BRD10: variants seen among roughly 807,000 people sequenced by gnomAD.
The protein encoded by BRD10 is uncharacterized bromodomain-containing protein 10.
chr9:5,899,677 G>C, the BRD10 span, among the ~76,000 whole-genome samples: 4 of 152,200 alleles, frequency 2.6e-5, no homozygotes, highest in African/African-American at 9.6e-5. Flanking sequence ...TGTAACTCTA[G>C]CATGGGGTTA....
chr9:6,006,574 C>A, the BRD10 span, among the ~76,000 whole-genome samples: 1 of 152,154 alleles, frequency 6.6e-6, no homozygotes, highest in African/African-American at 2.4e-5. Flanking sequence ...GTAGAATAAA[C>A]ATAAATGTAT....
chr9:5,937,496 C>A, the BRD10 span, among the ~76,000 whole-genome samples: 7 of 152,256 alleles, frequency 4.6e-5, no homozygotes, highest in East Asian at 1.4e-3. Context: ...GATCATGCCA[C>A]TGCACTCCAG....
At chr9:5,992,452 A>T in the BRD10 span, among the ~76,000 whole-genome samples, 2 of 152,192 alleles carry the variant, frequency 1.3e-5, no homozygotes, top group Admixed American at 6.5e-5. Flanking sequence ...AAAATAAGAT[A>T]AAAAAATAAA....
At chr9:5,969,271 C>T in the BRD10 span, 1 of 1,613,852 alleles carries the variant, frequency 6.2e-7, no homozygotes, top group South Asian at 1.1e-5. Flanking sequence ...CTATTTCTGG[C>T]AAATTTAGAA....
At chr9:5,968,455 T>C in the BRD10 span, 1 of 1,612,144 alleles carries the variant, frequency 6.2e-7, no homozygotes, top group Admixed American at 1.7e-5. Flanking sequence ...CTGGACTCCT[T>C]GGTTTCTCTA....
the BRD10 span, among the ~76,000 whole-genome samples, chr9:5,937,086 T>C: frequency 2.4e-4 from 36 of 151,594 alleles, no homozygotes; most frequent in African/African-American, 8.2e-4. Context: ...AAAAATATGC[T>C]GGGTGTGGTG....
chr9:5,931,549 A>C, the BRD10 span, among the ~76,000 whole-genome samples: 1 of 152,090 alleles, frequency 6.6e-6, no homozygotes, highest in African/African-American at 2.4e-5. Flanking sequence ...CTTACCCACT[A>C]ATCTGTTTTG....
the BRD10 span, chr9:5,922,067 G>A: frequency 1.2e-6 from 2 of 1,614,016 alleles, no homozygotes; most frequent in Non-Finnish European, 1.7e-6. Flanking sequence ...AGTGAAAACT[G>A]AACTTGAAGA....
chr9:5,953,880 G>A, the BRD10 span: 11 of 634,210 alleles, frequency 1.7e-5, no homozygotes, highest in African/African-American at 7.5e-5. Context: ...CTTGCAGGGA[G>A]AAAAGTCACT....
the BRD10 span, among the ~76,000 whole-genome samples, chr9:5,943,240 T>C: frequency 6.6e-6 from 1 of 152,188 alleles, no homozygotes; most frequent in African/African-American, 2.4e-5. Context: ...TGAATGGCTT[T>C]ACAGAAGCCT....
At chr9:5,921,761 CTTG>C in the BRD10 span, 11 of 1,613,998 alleles carry the variant, frequency 6.8e-6, no homozygotes, top group East Asian at 2.2e-4. Context: ...TACCGAACTA[CTTG>C]TTGTTGATGG....
chr9:5,988,300 A>C, the BRD10 span: 1 of 1,489,114 alleles, frequency 6.7e-7, no homozygotes, highest in Non-Finnish European at 9.3e-7. Flanking sequence ...ATGGGCACAT[A>C]AAAATTATGC....
At chr9:5,970,781 T>G in the BRD10 span, among the ~76,000 whole-genome samples, 1 of 152,152 alleles carries the variant, frequency 6.6e-6, no homozygotes, top group Non-Finnish European at 1.5e-5. Flanking sequence ...CTGGGTACAG[T>G]GGCTCACGCC....
chr9:5,985,077 C>G, the BRD10 span, among the ~76,000 whole-genome samples: 7 of 151,954 alleles, frequency 4.6e-5, no homozygotes, highest in Non-Finnish European at 1.0e-4. Flanking sequence ...CTAAATGAAA[C>G]AGAACACAGT....
the BRD10 span, chr9:5,921,885 G>C: frequency 6.2e-7 from 1 of 1,613,962 alleles, no homozygotes; most frequent in Non-Finnish European, 8.5e-7. Flanking sequence ...CCTAATGTAA[G>C]TTTGAGATTT....
the BRD10 span, chr9:5,933,806 G>C: frequency 8.5e-6 from 4 of 471,208 alleles, no homozygotes; most frequent in African/African-American, 6.0e-5. Flanking sequence ...GGGTATGACA[G>C]CACCAGCATA....
the BRD10 span, among the ~76,000 whole-genome samples, chr9:5,981,073 C>G: frequency 6.6e-6 from 1 of 152,194 alleles, no homozygotes; most frequent in Non-Finnish European, 1.5e-5. Context: ...ATTAGATTGA[C>G]AGATTAGATT....
chr9:5,902,674 T>C, the BRD10 span, among the ~76,000 whole-genome samples: 3 of 151,972 alleles, frequency 2.0e-5, no homozygotes, highest in Non-Finnish European at 2.9e-5. Flanking sequence ...TTTTCTTTTT[T>C]TTTTTTTTAA....
chr9:5,945,017 G>C, the BRD10 span: 3 of 798,198 alleles, frequency 3.8e-6, no homozygotes. Context: ...CACCCAAAAT[G>C]TGGTAACAGA....
Sources: allele counts gnomAD v4.1 joint callset (sites outside exome capture counted in the v4.1 genomes callset), GRCh38; gene constraint gnomAD v4.1.1; transcripts MANE v1.5; gene names NCBI Gene and HGNC (gene_info 2026-07-23, HGNC 2026-07-21).